Variants in UTS2 observed in about 807,000 individuals in gnomAD.
The protein encoded by UTS2 is urotensin 2.
UTS2 carries 10 observed loss-of-function variants against 12.6 expected under a neutral mutation model. The ratio of observed to expected loss-of-function variants is 0.80; its 90% CI spans 0.49 to 1.35. The LOEUF (loss-of-function observed/expected upper bound fraction) is 1.35. Among genes scored for constraint, UTS2 ranks in the 40% most tolerant of loss-of-function variants. The pLI is 0.00. For missense variants in UTS2, 142 were observed against 143.2 expected (o/e 0.99, Z 0.04); for synonymous variants, 52 against 50.0 (o/e 1.04, Z -0.17).
At chr1:7,897,457 T>C in the UTS2 span, among the ~76,000 whole-genome samples, 2 of 152,246 alleles carry the variant, frequency 1.3e-5, no homozygotes, top group Non-Finnish European at 2.9e-5. Context: ...GAGACATTTA[T>C]TGAAACTGTA....
At chr1:7,849,779 GT>G in intron 2 of UTS2, 96 bp from the exon 3 acceptor site, 2 of 1,138,888 alleles carry the variant, frequency 1.8e-6, no homozygotes, top group Non-Finnish European at 2.4e-6. Context: ...ATTATGTCTA[GT>G]TTCTGGTCTT....
chr1:7,907,812 C>T, the UTS2 span, among the ~76,000 whole-genome samples: 3 of 152,198 alleles, frequency 2.0e-5, no homozygotes, highest in East Asian at 1.9e-4. Context: ...TCATTCCTTC[C>T]GGAATACTAA....
chr1:7,857,844 A>C (rs1237007793), upstream of UTS2, among the ~76,000 whole-genome samples: 2 of 96,084 alleles, frequency 2.1e-5, no homozygotes, highest in Admixed American at 2.5e-4. Context: ...AGTGAGACCC[A>C]GTCTCCAGAA....
chr1:7,875,006 C>T, the UTS2 span, among the ~76,000 whole-genome samples: 1 of 151,932 alleles, frequency 6.6e-6, no homozygotes, highest in African/African-American at 2.4e-5. Context: ...GTTAATTAAA[C>T]TTCTTTCTTT....
At chr1:7,858,558 T>A in the UTS2 span, among the ~76,000 whole-genome samples, 1 of 152,196 alleles carries the variant, frequency 6.6e-6, no homozygotes. Flanking sequence ...TGTCGTTGTA[T>A]AATATGCTCA....
chr1:7,870,707 G>C, the UTS2 span, among the ~76,000 whole-genome samples: 1 of 152,178 alleles, frequency 6.6e-6, no homozygotes, highest in Non-Finnish European at 1.5e-5. Context: ...AGAATAGAGG[G>C]AGAGAATCTC....
chr1:7,857,853 A>G (rs1262738185), upstream of UTS2, among the ~76,000 whole-genome samples: 1 of 796 alleles, frequency 1.3e-3, no homozygotes, highest in East Asian at 0.083. Flanking sequence ...CAGTCTCCAG[A>G]AAAAAAAAAA....
At chr1:7,855,090 G>A (rs1638279696), upstream of UTS2, among the ~76,000 whole-genome samples, 1 of 151,682 alleles carries the variant, frequency 6.6e-6, no homozygotes, top group Non-Finnish European at 1.5e-5. Context: ...GAACCTGGGA[G>A]GCAGAGGTTG....
At chr1:7,874,125 C>G in the UTS2 span, among the ~76,000 whole-genome samples, 20 of 152,206 alleles carry the variant, frequency 1.3e-4, no homozygotes, top group African/African-American at 4.6e-4. Flanking sequence ...TGTGAAGCAG[C>G]CGGCCCAGCC....
chr1:7,890,638 G>T, the UTS2 span, among the ~76,000 whole-genome samples: 1 of 149,228 alleles, frequency 6.7e-6, no homozygotes, highest in Non-Finnish European at 1.5e-5. Context: ...CCTATTAAGA[G>T]TAAAGGATAT....
At chr1:7,879,548 C>T in the UTS2 span, among the ~76,000 whole-genome samples, 3 of 152,136 alleles carry the variant, frequency 2.0e-5, no homozygotes, top group African/African-American at 7.2e-5. Flanking sequence ...TAAGACCAGC[C>T]TATCCAATAT....
chr1:7,889,958 T>G, the UTS2 span, among the ~76,000 whole-genome samples: 1 of 151,954 alleles, frequency 6.6e-6, no homozygotes. Flanking sequence ...TCCCAGCTAC[T>G]CGGGAGGCTG....
chr1:7,889,085 GA>G, the UTS2 span, among the ~76,000 whole-genome samples: 445 of 135,346 alleles, frequency 3.3e-3, 1 homozygote, highest in Non-Finnish European at 4.5e-3. Context: ...ACTTTTTGAT[GA>G]AAAAAAAAAA....
chr1:7,862,356 TG>T, the UTS2 span, among the ~76,000 whole-genome samples: 2 of 152,040 alleles, frequency 1.3e-5, no homozygotes, highest in African/African-American at 2.4e-5. Context: ...GTCCATTTAC[TG>T]TTGCTGTAAG....
the UTS2 span, among the ~76,000 whole-genome samples, chr1:7,877,127 AAAAAAAAAAAAAAAAG>A: frequency 0.019 from 157 of 8,324 alleles, 1 homozygote; most frequent in African/African-American, 0.064. Flanking sequence ...AGACTCTATC[AAAAAAAAAAAAAAAAG>A]AAAAAAAAAA....
the UTS2 span, among the ~76,000 whole-genome samples, chr1:7,898,530 C>T: frequency 1.3e-5 from 2 of 151,886 alleles, no homozygotes; most frequent in Admixed American, 6.6e-5. Context: ...GGCTGGAGTG[C>T]AGTGGCGCGA....
the UTS2 span, among the ~76,000 whole-genome samples, chr1:7,910,911 A>T: frequency 3.3e-5 from 5 of 151,502 alleles, no homozygotes; most frequent in Admixed American, 2.6e-4. Flanking sequence ...TAATTTTTTT[A>T]AATTATATTC....
At chr1:7,887,532 A>G in the UTS2 span, among the ~76,000 whole-genome samples, 1 of 144,094 alleles carries the variant, frequency 6.9e-6, no homozygotes, top group Admixed American at 7.1e-5. Flanking sequence ...GCTGAGGCAG[A>G]TGGTTTACTT....
In UTS2 at chr1:7,847,670, A is replaced by C; in HGVS notation, c.*96T>G. The stretch of plus-strand genomic sequence containing the variant: ...ACAATGAACAGGGTGTAGTTTGCCT[A>C]GTTTTTCTCCACACTGTTTTCAAAT... On this transcript the variant is annotated 3_prime_UTR_variant, in exon 4 of 4. Coordinates refer to ENST00000361696, the MANE Select transcript of UTS2 (RefSeq NM_006786.4). 4 of 968,234 alleles carry C rather than the reference A, an allele frequency of 4.1e-6. No homozygotes were observed. The highest frequency in any genetic ancestry group is 3.0e-5 in the South Asian group (2 of 65,946). The allele number at this position is 968,234 out of a possible 1,614,324, so 60.0% of individuals were successfully genotyped here. A position where few individuals can be genotyped will look rare whatever the true frequency, so the allele number is the denominator to read the frequency against.
Sources: gnomAD v4.1 joint callset for allele counts (sites outside exome capture counted in the v4.1 genomes callset) on GRCh38, gnomAD v4.1.1 for gene constraint, MANE v1.5 for transcripts, NCBI Gene and HGNC (gene_info 2026-07-23, HGNC 2026-07-21) for gene names.